TRPS1: variants seen among roughly 807,000 people sequenced by gnomAD.
TRPS1 encodes transcriptional repressor GATA binding 1.
TRPS1 carries 6 observed loss-of-function variants against 101.2 expected under a neutral mutation model. The observed-to-expected ratio is 0.06, with a 90% CI of 0.03 to 0.12. TRPS1 has a LOEUF of 0.12. Among genes scored for constraint, TRPS1 ranks in the 10% least tolerant of loss-of-function variants. The pLI is 1.00. For synonymous variants in TRPS1, 578 were observed against 589.8 expected (o/e 0.98, Z 0.29); for missense variants, 1,363 against 1,567.0 (o/e 0.87, Z 2.20).
At chr8:115,589,338 T>C (rs1308942645) in intron 4 of TRPS1, among the ~76,000 whole-genome samples, 1 of 152,176 alleles carries the variant, frequency 6.6e-6, no homozygotes, top group East Asian at 1.9e-4. Context: ...TATCAATAAC[T>C]TCATTCCTTT....
intron 5 of TRPS1, among the ~76,000 whole-genome samples, chr8:115,546,870 A>AT (rs2130324806): frequency 1.3e-5 from 2 of 152,276 alleles, no homozygotes; most frequent in African/African-American, 4.8e-5. Flanking sequence ...AGAAGCACAG[A>AT]TGTCACAAGT....
chr8:115,561,827 C>T (rs1439126086), intron 5 of TRPS1, among the ~76,000 whole-genome samples: 1 of 151,702 alleles, frequency 6.6e-6, no homozygotes, highest in Non-Finnish European at 1.5e-5. Context: ...AAACTTACAA[C>T]CCCATCTAAA....
At chr8:115,487,289 G>C (rs1311105159) in intron 5 of TRPS1, among the ~76,000 whole-genome samples, 1 of 152,028 alleles carries the variant, frequency 6.6e-6, no homozygotes, top group Non-Finnish European at 1.5e-5. Context: ...AAAGATCACT[G>C]CTCATTGACA....
intron 4 of TRPS1, among the ~76,000 whole-genome samples, chr8:115,601,316 T>C (rs1377834252): frequency 6.6e-6 from 1 of 152,182 alleles, no homozygotes; most frequent in Non-Finnish European, 1.5e-5. Context: ...AAACTTGTCC[T>C]CTTATTTTAT....
intron 5 of TRPS1, among the ~76,000 whole-genome samples, chr8:115,458,071 G>C (rs1814073636): frequency 6.6e-6 from 1 of 152,118 alleles, no homozygotes; most frequent in Non-Finnish European, 1.5e-5. Flanking sequence ...GAGAAATTTT[G>C]ACACTTGCAT....
At chr8:115,598,858 G>A (rs370112746) in intron 4 of TRPS1, among the ~76,000 whole-genome samples, 8 of 152,054 alleles carry the variant, frequency 5.3e-5, no homozygotes, top group Non-Finnish European at 2.9e-5. Context: ...CTGAGTAGTC[G>A]ATTTCTTGTT....
chr8:115,573,906 C>G (rs1336156292), intron 5 of TRPS1, among the ~76,000 whole-genome samples: 1 of 152,274 alleles, frequency 6.6e-6, no homozygotes, highest in East Asian at 1.9e-4. Flanking sequence ...GTCCAGTCTT[C>G]CTTTCCGAAA....
At chr8:115,470,326 G>A (rs1199402236) in intron 5 of TRPS1, among the ~76,000 whole-genome samples, 1 of 152,122 alleles carries the variant, frequency 6.6e-6, no homozygotes, top group Non-Finnish European at 1.5e-5. Context: ...ATAGCTATCA[G>A]AATTTGAAAA....
chr8:115,587,742 C>A, intron 4 of TRPS1, 138 bp from the exon 5 acceptor site: 1 of 1,436,070 alleles, frequency 7.0e-7, no homozygotes, highest in Admixed American at 1.8e-5. Flanking sequence ...TCTTAACACC[C>A]CAAAACTGGA....
chr8:115,552,346 C>G (rs1457549930), intron 5 of TRPS1, among the ~76,000 whole-genome samples: 1 of 151,980 alleles, frequency 6.6e-6, no homozygotes, highest in Non-Finnish European at 1.5e-5. Flanking sequence ...TCTAAAAATG[C>G]TGGAATTTGT....
intron 1 of TRPS1, chr8:115,668,034 G>A: frequency 2.4e-6 from 2 of 840,864 alleles, no homozygotes; most frequent in Non-Finnish European, 3.7e-6. Context: ...AGACAGCGAG[G>A]GGGAGTGGGG....
chr8:115,611,830 A>G (rs1327224424), intron 3 of TRPS1, among the ~76,000 whole-genome samples: 1 of 152,204 alleles, frequency 6.6e-6, no homozygotes, highest in African/African-American at 2.4e-5. Flanking sequence ...TATAAATGTA[A>G]TAAGTAATAT....
chr8:115,667,739 G>C (rs1811957599), intron 1 of TRPS1: 5 of 1,229,144 alleles, frequency 4.1e-6, no homozygotes, highest in Non-Finnish European at 5.6e-6. Flanking sequence ...GGGCCTTTAA[G>C]GGAAAAAAGT....
intron 5 of TRPS1, among the ~76,000 whole-genome samples, chr8:115,483,341 G>A (rs1814801056): frequency 6.6e-6 from 1 of 151,796 alleles, no homozygotes; most frequent in African/African-American, 2.4e-5. Context: ...AGACCGGCCT[G>A]GGCAACATGG....
intron 3 of TRPS1, among the ~76,000 whole-genome samples, chr8:115,611,170 G>GA (rs879472668): frequency 1.7e-4 from 26 of 151,452 alleles, no homozygotes; most frequent in Admixed American, 8.5e-4. Context: ...TATTTTATAG[G>GA]AAAAATAAAC....
chr8:115,474,461 G>C (rs1814549178), intron 5 of TRPS1, among the ~76,000 whole-genome samples: 1 of 152,116 alleles, frequency 6.6e-6, no homozygotes, highest in Non-Finnish European at 1.5e-5. Flanking sequence ...CACTTTGCAA[G>C]CTCTTTCTAG....
chr8:115,583,710 A>G (rs991285158), intron 5 of TRPS1, among the ~76,000 whole-genome samples: 1 of 152,066 alleles, frequency 6.6e-6, no homozygotes, highest in African/African-American at 2.4e-5. Flanking sequence ...GATCAAGTTT[A>G]TGGCAATGTG....
At chr8:115,599,740 T>C (rs190081107) in intron 4 of TRPS1, among the ~76,000 whole-genome samples, 3 of 152,198 alleles carry the variant, frequency 2.0e-5, no homozygotes, top group Non-Finnish European at 2.9e-5. Flanking sequence ...CAATCTATCA[T>C]TGGTGGACAT....
At chr8:115,634,756 T>C (rs1818728217) in intron 1 of TRPS1, among the ~76,000 whole-genome samples, 1 of 151,718 alleles carries the variant, frequency 6.6e-6, no homozygotes, top group Non-Finnish European at 1.5e-5. Context: ...ACATTAAGAA[T>C]GCCCTGTTTT....
Sources: allele counts gnomAD v4.1 joint callset (sites outside exome capture counted in the v4.1 genomes callset), GRCh38; gene constraint gnomAD v4.1.1; transcripts MANE v1.5; gene names NCBI Gene and HGNC (gene_info 2026-07-23, HGNC 2026-07-21).